The following ATG10 variants were observed in gnomAD, a reference collection of about 807,000 sequenced individuals.
The protein encoded by ATG10 is autophagy related 10, also known as ubiquitin-like-conjugating enzyme ATG10.
In ATG10, 30 loss-of-function variants were observed where a neutral mutation model predicts 32.1. The ratio of observed to expected loss-of-function variants is 0.94; its 90% CI spans 0.70 to 1.27. The LOEUF is 1.27. ATG10 is among the 50% of genes most tolerant of loss of function. The probability of loss-of-function intolerance (pLI) is 0.00; values close to 1 mark genes in which losing one functional copy is unlikely to be tolerated. For synonymous variants in ATG10, 87 were observed against 91.5 expected, an observed-to-expected ratio of 0.95 and a Z score of 0.28; for missense variants, 233 against 262.3, an observed-to-expected ratio of 0.89 and a Z score of 0.77.
chr5:82,190,871 G>A (rs1744637824), intron 5 of ATG10, among the ~76,000 whole-genome samples: 1 of 149,738 alleles, frequency 6.7e-6, no homozygotes, highest in Non-Finnish European at 1.5e-5. Flanking sequence ...TGAACACTGA[G>A]TTTTTTAAAA....
intron 3 of ATG10, among the ~76,000 whole-genome samples, chr5:82,159,889 A>C (rs1287824220): frequency 2.0e-5 from 3 of 152,292 alleles, no homozygotes; most frequent in Non-Finnish European, 4.4e-5. Flanking sequence ...ATAGGTTCAC[A>C]TTTAGTAATA....
chr5:82,001,592 C>T (rs911366990), intron 2 of ATG10, among the ~76,000 whole-genome samples: 1 of 152,060 alleles, frequency 6.6e-6, no homozygotes, highest in Non-Finnish European at 1.5e-5. Context: ...AACTGGCCTG[C>T]CATATGCAGA....
At chr5:81,997,859 G>A (rs958398432) in intron 2 of ATG10, among the ~76,000 whole-genome samples, 3 of 152,152 alleles carry the variant, frequency 2.0e-5, no homozygotes, top group Non-Finnish European at 4.4e-5. Flanking sequence ...AAAGAAGAAT[G>A]TACAAAACCT....
chr5:82,170,679 C>T (rs2149910011), intron 4 of ATG10, among the ~76,000 whole-genome samples: 1 of 152,224 alleles, frequency 6.6e-6, no homozygotes, highest in South Asian at 2.1e-4. Flanking sequence ...GGCGCGGTGG[C>T]TCACACCTGT....
chr5:82,147,134 C>A, intron 3 of ATG10: 1 of 165,472 alleles, frequency 6.0e-6, no homozygotes, highest in South Asian at 1.2e-4. Context: ...AACAAAGCCC[C>A]ATGACACAAG....
intron 2 of ATG10, among the ~76,000 whole-genome samples, chr5:82,054,554 C>A (rs950739348): frequency 6.6e-6 from 1 of 152,194 alleles, no homozygotes; most frequent in Non-Finnish European, 1.5e-5. Flanking sequence ...ACAAAGAATA[C>A]TCAGGTCAAG....
At chr5:82,033,985 G>A (rs1180689191) in intron 2 of ATG10, among the ~76,000 whole-genome samples, 1 of 145,544 alleles carries the variant, frequency 6.9e-6, no homozygotes, top group Non-Finnish European at 1.5e-5. Flanking sequence ...ATACATACAT[G>A]TATATAGTAT....
chr5:81,977,567 C>T (rs773084216), intron 1 of ATG10, among the ~76,000 whole-genome samples: 4 of 152,212 alleles, frequency 2.6e-5, no homozygotes, highest in Admixed American at 6.5e-5. Context: ...CTTCTCCACC[C>T]GAGCTATGCT....
intron 5 of ATG10, among the ~76,000 whole-genome samples, chr5:82,237,313 G>A (rs559539000): frequency 6.6e-5 from 10 of 151,990 alleles, no homozygotes; most frequent in East Asian, 3.9e-4. Flanking sequence ...AGTTCTGCCC[G>A]TCCTTTAAGG....
At chr5:82,238,769 AACATATGGAGTAACAAAG>A (rs1746671157) in intron 5 of ATG10, among the ~76,000 whole-genome samples, 1 of 152,198 alleles carries the variant, frequency 6.6e-6, no homozygotes. Context: ...TAAGTAAAAA[AACATATGGAGTAACAAAG>A]GTGGGAGTAA....
intron 5 of ATG10, among the ~76,000 whole-genome samples, chr5:82,218,052 TACACACACACAC>T (rs60254193): frequency 0.015 from 2,151 of 145,290 alleles, 15 homozygotes; most frequent in Non-Finnish European, 0.022. Context: ...GTTCTCTCTT[TACACACACACAC>T]ACACACACAC....
chr5:82,182,877 G>A (rs1478282244), intron 5 of ATG10, among the ~76,000 whole-genome samples: 1 of 152,016 alleles, frequency 6.6e-6, no homozygotes, highest in Non-Finnish European at 1.5e-5. Context: ...CTGGATAAAG[G>A]ATATGAGATA....
intron 1 of ATG10, among the ~76,000 whole-genome samples, chr5:81,975,461 G>C (rs748831858): frequency 6.6e-6 from 1 of 152,146 alleles, no homozygotes; most frequent in Non-Finnish European, 1.5e-5. Flanking sequence ...CAGGCAAATT[G>C]CCTGAGCTGA....
intron 3 of ATG10, among the ~76,000 whole-genome samples, chr5:82,106,346 G>A (rs999117966): frequency 1.1e-4 from 17 of 152,014 alleles, no homozygotes; most frequent in Non-Finnish European, 2.1e-4. Flanking sequence ...GTTTAGTCAC[G>A]GGATCATAGC....
chr5:82,196,875 G>A (rs893120221), intron 5 of ATG10, among the ~76,000 whole-genome samples: 2 of 152,054 alleles, frequency 1.3e-5, no homozygotes, highest in Admixed American at 1.3e-4. Flanking sequence ...CGCTAGCTTT[G>A]GTTCTATGCA....
intron 3 of ATG10, among the ~76,000 whole-genome samples, chr5:82,123,543 A>G (rs1019800523): frequency 2.6e-5 from 4 of 152,104 alleles, no homozygotes; most frequent in Admixed American, 2.6e-4. Context: ...AAAAAGCATA[A>G]TTAGATGGGT....
chr5:82,123,855 G>C (rs1256644878), intron 3 of ATG10, among the ~76,000 whole-genome samples: 2 of 151,640 alleles, frequency 1.3e-5, no homozygotes, highest in African/African-American at 4.8e-5. Context: ...AGGATCACTT[G>C]GGCCTAGGAG....
At chr5:82,167,888 A>G (rs975767623) in intron 4 of ATG10, among the ~76,000 whole-genome samples, 4 of 152,066 alleles carry the variant, frequency 2.6e-5, no homozygotes, top group Admixed American at 6.6e-5. Flanking sequence ...TTCTCTAACT[A>G]CTTTTGTCAT....
intron 2 of ATG10, among the ~76,000 whole-genome samples, chr5:82,038,233 G>A (rs1762990815): frequency 6.6e-6 from 1 of 152,184 alleles, no homozygotes; most frequent in Non-Finnish European, 1.5e-5. Flanking sequence ...CCCTACTGGT[G>A]CCTGGTTCTT....
Sources: allele counts gnomAD v4.1 joint callset (sites outside exome capture counted in the v4.1 genomes callset), GRCh38; gene constraint gnomAD v4.1.1; transcripts MANE v1.5; gene names NCBI Gene and HGNC (gene_info 2026-07-23, HGNC 2026-07-21).